The following LMOD2 variants were observed in gnomAD, a reference collection of about 807,000 sequenced individuals.
The protein encoded by LMOD2 is leiomodin 2.
LMOD2 carries 27 observed loss-of-function variants against 41.7 expected under a neutral mutation model. The observed-to-expected ratio is 0.65, with a 90% CI of 0.48 to 0.89. The LOEUF (loss-of-function observed/expected upper bound fraction) is 0.89. Among genes scored for constraint, LMOD2 ranks in the 40% least tolerant of loss-of-function variants. The pLI, the probability that LMOD2 is intolerant of heterozygous loss-of-function variation, is 0.00. For missense variants in LMOD2, 624 were observed against 667.9 expected, an observed-to-expected ratio of 0.93 and a Z score of 0.72; for synonymous variants, 251 against 244.6, an observed-to-expected ratio of 1.03 and a Z score of -0.25.
chr7:123,662,892 C>G lies in LMOD2; in HGVS notation c.1306C>G (p.Gln436Glu), dbSNP rs1001838988. 1 of 1,545,026 alleles carries G rather than the reference C, an allele frequency of 6.5e-7. No individual in the cohort carries two copies. The highest frequency in any genetic ancestry group is 8.7e-7 in the Non-Finnish European group (1 of 1,144,160). Reference protein sequence around the residue: ...PPPPPPPPSSQRLPPPPPPPP... With the variant: ...PPPPPPPPSSERLPPPPPPPP... Reference sequence around the variant, plus strand: ...TCCTCCTCCTCCCCCTCCTTCTTCCCAAAGGCTGCCACCACCTCCTCCTCC... The same window carrying G: ...TCCTCCTCCTCCCCCTCCTTCTTCCGAAAGGCTGCCACCACCTCCTCCTCC... The change falls in exon 2 of 3, where the codon CAA (glutamine) becomes GAA (glutamate). Residue 436 changes from glutamine (Q) to glutamate (E), a missense_variant. By Grantham distance (29) the Gln-to-Glu change is conservative. Transcript: ENST00000458573. The surrounding 1 kb of genome is among the most constrained non-coding windows in gnomAD (Gnocchi z 4.0).
Position 123,661,944 on chromosome 7 carries a change from G to C in LMOD2, c.358G>C (p.Glu120Gln), listed in dbSNP as rs546515372. The C allele has an allele frequency of 5.1e-5, 80 of 1,554,998 alleles. No homozygotes were observed. In the East Asian group the frequency reaches 1.5e-3, roughly 29 times the overall value. ...GGTTTCTGAGGAAGTGTATACAGAG[G>C]AGGAGGAGGAGGAGTCCCAGGAGGA... Reference protein sequence around the residue: ...SEVSEEVYTEEEEEESQEEEE... With the variant: ...SEVSEEVYTEQEEEESQEEEE... Residue 120 changes from glutamate (E) to glutamine (Q), a missense_variant, in exon 2 of 3, where the codon GAG (glutamate) becomes CAG (glutamine). By Grantham distance (29) the Glu-to-Gln change is conservative. Transcript: ENST00000458573.
At chr7:123,657,974 C>T (rs1802815327) in intron 1 of LMOD2, among the ~76,000 whole-genome samples, 1 of 112,838 alleles carries the variant, frequency 8.9e-6, no homozygotes, top group Non-Finnish European at 1.8e-5. Flanking sequence ...GAGCCACAAA[C>T]CAAAACCTTG....
At chr7:123,657,423 C>A (rs1802805575) in intron 1 of LMOD2, among the ~76,000 whole-genome samples, 1 of 152,064 alleles carries the variant, frequency 6.6e-6, no homozygotes, top group Non-Finnish European at 1.5e-5. Flanking sequence ...ACAATTGCAG[C>A]AAGATATGTG....
At position 123,656,246 on chromosome 7, in the gene LMOD2, C is replaced by T. The variant is rs1300271791; in HGVS notation, c.273+10C>T. 8.8e-6 allele frequency: 14 copies of T among 1,595,352 alleles called. No individual in the cohort carries two copies. Among genetic ancestry groups the T allele is most frequent in the South Asian group, 5.7e-5 (5 of 88,288 alleles). ...GGGGGAATGTGGAAAGGTAGGCTCT[C>T]GGGACTTTTCCTTGGCTAACCCCAC... On this transcript the variant is annotated intron_variant, in intron 1 of 2. Coordinates refer to ENST00000458573, the MANE Select transcript of LMOD2 (RefSeq NM_207163.3).
intron 1 of LMOD2, among the ~76,000 whole-genome samples, chr7:123,661,558 A>C (rs1001209872): frequency 1.3e-5 from 2 of 152,238 alleles, no homozygotes; most frequent in Non-Finnish European, 2.9e-5. Flanking sequence ...GGGTTTTCCA[A>C]AGCTGAAGTT....
intron 1 of LMOD2, among the ~76,000 whole-genome samples, chr7:123,658,124 C>T (rs984255530): frequency 5.3e-5 from 8 of 151,976 alleles, no homozygotes; most frequent in African/African-American, 1.9e-4. Context: ...AGAGCAAAAC[C>T]TATCGTCAGC....
In LMOD2 at chr7:123,662,791, A is replaced by G. The variant is rs1802904653; in HGVS notation, c.1205A>G (p.Lys402Arg). ...SPRHSPWSSP[K>R]LPKKVQTVRS... is the part of the protein sequence containing the mutation. ...AGGCACTCACCCTGGTCATCCCCAAAACTCCCCAAAAAAGTCCAGACTGTG... is the reference window on the plus strand; with the variant it reads ...AGGCACTCACCCTGGTCATCCCCAAGACTCCCCAAAAAAGTCCAGACTGTG... The change falls in exon 2 of 3, where the codon AAA becomes AGA. Residue 402 changes from lysine (K) to arginine (R), a missense_variant. Lys to Arg is a conservative substitution (Grantham distance 26). Coordinates refer to ENST00000458573, the MANE Select transcript of LMOD2 (RefSeq NM_207163.3). The surrounding 1 kb of genome is among the most constrained non-coding windows in gnomAD (Gnocchi z 4.0). 1 of 1,613,092 alleles carries G rather than the reference A, an allele frequency of 6.2e-7. No homozygotes were observed. The highest frequency in any genetic ancestry group is 8.5e-7 in the Non-Finnish European group (1 of 1,179,758).
chr7:123,661,791 C>T, intron 1 of LMOD2, 69 bp from the exon 2 acceptor site: 1 of 1,054,208 alleles, frequency 9.5e-7, no homozygotes, highest in Non-Finnish European at 1.3e-6. Flanking sequence ...GCTACTTTTG[C>T]AAGTTAAAAA....
rs190331368 is a variant in LMOD2, at chr7:123,662,148, G to C, written c.562G>C (p.Ala188Pro). 157 of 1,613,668 alleles carry C rather than the reference G, an allele frequency of 9.7e-5. 1 individual carries two copies. The African/African-American group carries it at 1.9e-3, about 20-fold the overall frequency. Residue 188 changes from alanine to proline, a missense_variant, in exon 2 of 3, where the codon GCT becomes CCT. Physicochemically the swap from Ala to Pro is conservative, Grantham distance 27. Coordinates refer to ENST00000458573, the MANE Select transcript of LMOD2 (RefSeq NM_207163.3). This position sits in a 1 kb window ranked among gnomAD's most constrained non-coding sequence, Gnocchi z 4.0. ...GSNGRNTESP[A>P]AIHPCGNPTV... ...CAATGGGAGGAACACAGAGTCCCCA[G>C]CTGCCATTCACCCTTGTGGAAATCC...
chr7:123,657,599 AT>A lies in LMOD2; in HGVS notation c.273+1372del, dbSNP rs760146790. Among the ~76,000 whole-genome samples the A allele has an allele frequency of 3.3e-3, 500 of 151,558 alleles. 2 individuals carry two copies. The highest frequency in any genetic ancestry group is 0.011 in the African/African-American group (470 of 41,294). On this transcript the variant is annotated intron_variant, in intron 1 of 2. Transcript: ENST00000458573. The stretch of plus-strand genomic sequence containing the variant: ...CTCCACAACCATTGTTTTAAGAGGG[AT>A]TTTTTTTTCTTTGATGTGATAATGA...
intron 1 of LMOD2, among the ~76,000 whole-genome samples, chr7:123,657,992 A>T (rs1306928014): frequency 7.4e-5 from 2 of 26,988 alleles, no homozygotes; most frequent in African/African-American, 2.0e-4. Flanking sequence ...TTGTCTCATT[A>T]AAAAAAAAAA....
intron 2 of LMOD2, 28 bp from the exon 3 acceptor site, chr7:123,663,691 A>G: frequency 1.3e-6 from 2 of 1,565,796 alleles, no homozygotes; most frequent in Non-Finnish European, 1.7e-6. Context: ...GTGTTGTTTC[A>G]TTGAGAGAAA....
At chr7:123,657,952 T>C (rs1802814919) in intron 1 of LMOD2, among the ~76,000 whole-genome samples, 1 of 136,536 alleles carries the variant, frequency 7.3e-6, no homozygotes, top group Middle Eastern at 4.0e-3. Context: ...GTTGTGCCAC[T>C]GCACTCAGCC....
At position 123,663,184 on chromosome 7, in the gene LMOD2, G is replaced by A; in HGVS notation, c.1598G>A (p.Ser533Asn). 1 of 1,567,772 alleles carries A rather than the reference G, an allele frequency of 6.4e-7. No homozygotes were observed. Among genetic ancestry groups the A allele is most frequent in the Non-Finnish European group, 8.6e-7 (1 of 1,156,404 alleles). The change falls in exon 2 of 3, where the codon AGC becomes AAC. Residue 533 changes from serine to asparagine, a missense_variant. Ser to Asn is a conservative substitution (Grantham distance 46). Coordinates refer to ENST00000458573, the MANE Select transcript of LMOD2 (RefSeq NM_207163.3). ...CTCATGGAAGCAATTCGGGGAAGCAGCATAAAACAGCTAAAGCGGGTAAGT... is the reference window on the plus strand; with the variant it reads ...CTCATGGAAGCAATTCGGGGAAGCAACATAAAACAGCTAAAGCGGGTAAGT... ...ENLMEAIRGSSIKQLKRVEVP... is the reference protein window; with the variant it reads ...ENLMEAIRGSNIKQLKRVEVP...
At chr7:123,659,396 C>T (rs1284281176) in intron 1 of LMOD2, among the ~76,000 whole-genome samples, 2 of 152,174 alleles carry the variant, frequency 1.3e-5, no homozygotes, top group African/African-American at 4.8e-5. Context: ...TCTCACCTTG[C>T]CTCTGTAGAC....
Position 123,662,104 on chromosome 7 carries a change from T to C in LMOD2, c.518T>C (p.Ile173Thr). 3 of 1,611,702 alleles carry C rather than the reference T, an allele frequency of 1.9e-6. No individual in the cohort carries two copies. Among genetic ancestry groups the C allele is most frequent in the Non-Finnish European group, 1.7e-6 (2 of 1,178,756 alleles). ...ATATTTAAAAGTCAAATAGAGAACA[T>C]AAATTTGACCAATGGCAGCAATGGG... ...PKIFKSQIEN[I>T]NLTNGSNGRN... Residue 173 changes from isoleucine to threonine, a missense_variant, in exon 2 of 3, where the codon ATA becomes ACA. Transcript: ENST00000458573. This position sits in a 1 kb window ranked among gnomAD's most constrained non-coding sequence, Gnocchi z 4.0.
rs376312058 is a variant in LMOD2 at position 123,663,780 on chromosome 7, C to G, written c.*35C>G. ...CTTTAGAAGAGGATGCAGAACTGTT[C>G]AGTGGTATTACATGAAATGCATTGT... On this transcript the variant is annotated 3_prime_UTR_variant, in exon 3 of 3. Coordinates refer to ENST00000458573, the MANE Select transcript of LMOD2 (RefSeq NM_207163.3). The G allele has an allele frequency of 1.3e-6, 2 of 1,551,128 alleles. No individual in the cohort carries two copies. Among genetic ancestry groups the G allele is most frequent in the Non-Finnish European group, 1.8e-6 (2 of 1,141,452 alleles).
chr7:123,657,904 G>A (rs1032893482), intron 1 of LMOD2, among the ~76,000 whole-genome samples: 2 of 149,004 alleles, frequency 1.3e-5, no homozygotes, highest in African/African-American at 4.9e-5. Flanking sequence ...GTGGGAGGTT[G>A]GCTTCAGCAT....
chr7:123,658,973 C>A (rs771665306), intron 1 of LMOD2, among the ~76,000 whole-genome samples: 1 of 152,156 alleles, frequency 6.6e-6, no homozygotes, highest in Non-Finnish European at 1.5e-5. Context: ...GTCAGGTGAA[C>A]CAACTCCTGC....
Sources: gnomAD v4.1 joint callset for allele counts (sites outside exome capture counted in the v4.1 genomes callset) on GRCh38, gnomAD v4.1.1 for gene constraint, Gnocchi (gnomAD v3.1) non-coding constraint, MANE v1.5 for transcripts, NCBI Gene and HGNC (gene_info 2026-07-23, HGNC 2026-07-21) for gene names.